Variants in ZNF48 observed in about 807,000 individuals in gnomAD.
ZNF48 encodes zinc finger protein 553.
Under a neutral mutation model 40.0 loss-of-function variants are expected in ZNF48, and 20 were observed. The ratio of observed to expected loss-of-function variants is 0.50; its 90% confidence interval spans 0.35 to 0.73. The LOEUF is 0.73. Ranked by LOEUF, ZNF48 falls within the 30% of genes least tolerant of loss-of-function variation. ZNF48 has a pLI of 0.01. For missense variants in ZNF48, 726 were observed against 851.9 expected (o/e 0.85, Z 1.84); for synonymous variants, 298 against 329.7 (o/e 0.90, Z 1.04).
At chr16:30,378,858 G>GAGAGGGAGAGGGGGAC (rs1405782232) in intron 1 of ZNF48, among the ~76,000 whole-genome samples, 2 of 140,452 alleles carry the variant, frequency 1.4e-5, no homozygotes, top group Non-Finnish European at 3.1e-5. Context: ...GAGAGGGGGA[G>GAGAGGGAGAGGGGGAC]AGAGGGAGAG....
chr16:30,397,609 G>T lies in ZNF48; in HGVS notation c.359G>T (p.Ser120Ile). The change falls in exon 3 of 3, where the codon AGC becomes ATC. Residue 120 changes from serine to isoleucine, a missense_variant. Coordinates refer to ENST00000613509, the MANE Select transcript of ZNF48 (RefSeq NM_001214909.2). This position sits in a 1 kb window ranked among gnomAD's most constrained non-coding sequence, Gnocchi z 4.1. Reference protein sequence around the residue: ...RAAVCGECGKSFRQMSDLVKH... With the variant: ...RAAVCGECGKIFRQMSDLVKH... ...GCTGTGTGTGGTGAGTGTGGCAAAA[G>T]CTTCAGGCAGATGTCAGATCTGGTG... is the stretch of plus-strand genomic sequence containing the variant. The T allele has an allele frequency of 6.2e-7, 1 of 1,614,138 alleles. No individual in the cohort carries two copies. Among genetic ancestry groups the T allele is most frequent in the South Asian group, 1.1e-5 (1 of 91,084 alleles).
At chr16:30,388,028 G>A (rs1250776977) in intron 1 of ZNF48, among the ~76,000 whole-genome samples, 4 of 150,842 alleles carry the variant, frequency 2.7e-5, no homozygotes, top group East Asian at 2.0e-4. Flanking sequence ...GTGCAATGGC[G>A]CGATCTCGGC....
chr16:30,378,458 C>G (rs749638833), intron 1 of ZNF48: 4 of 1,574,240 alleles, frequency 2.5e-6, no homozygotes, highest in Non-Finnish European at 3.4e-6. Flanking sequence ...ACTGCTCGCC[C>G]TGGGCCTGGC....
At position 30,381,809 on chromosome 16, in the gene ZNF48, T is replaced by C. The variant is rs201459018; in HGVS notation, c.-16+3399T>C. On this transcript the variant is annotated intron_variant, in intron 1 of 2. Transcript: ENST00000528032. The surrounding 1 kb of genome is among the most constrained non-coding windows in gnomAD (Gnocchi z 4.3). Reference sequence around the variant, plus strand: ...CCAAAGCCAGGTGTGTCCACAAGGGTCAGCTTCACTTTCACACCCCCTTCC... The same window carrying C: ...CCAAAGCCAGGTGTGTCCACAAGGGCCAGCTTCACTTTCACACCCCCTTCC... 332 of 1,613,904 alleles carry C rather than the reference T, an allele frequency of 2.1e-4. No individual in the cohort carries two copies. The highest frequency in any genetic ancestry group is 1.8e-4 in the Non-Finnish European group (211 of 1,180,006).
intron 1 of ZNF48, chr16:30,380,885 G>A (rs2049836930): frequency 3.5e-6 from 2 of 564,920 alleles, no homozygotes; most frequent in Admixed American, 6.1e-5. Context: ...TCATGTCTAT[G>A]CTCCTGCCCT....
At position 30,382,409 on chromosome 16, in the gene ZNF48, G is replaced by A; in HGVS notation, c.-16+3999G>A. On this transcript the variant is annotated intron_variant, in intron 1 of 2. Coordinates refer to the ZNF48 transcript ENST00000528032. The surrounding 1 kb of genome is among the most constrained non-coding windows in gnomAD (Gnocchi z 4.8). ...AATATGAGGCTGCTGGCAATGGCAGGCAGGGTCCCCAGGATCACTTGAGTT... is the reference window on the plus strand; with the variant it reads ...AATATGAGGCTGCTGGCAATGGCAGACAGGGTCCCCAGGATCACTTGAGTT... 2 of 1,573,816 alleles carry A rather than the reference G, an allele frequency of 1.3e-6. No individual in the cohort carries two copies. The highest frequency in any genetic ancestry group is 1.7e-6 in the Non-Finnish European group (2 of 1,150,690).
chr16:30,399,050 G>C lies in ZNF48; in HGVS notation c.1800G>C (p.Gly600=), dbSNP rs1473623517. The change falls in exon 3 of 3, where the codon GGG becomes GGC. Residue 600 remains glycine (G), a synonymous_variant. Transcript: ENST00000613509. ...GGCACCTGGTCCTGACGCCCTTTGG[G>C]ATAGGGGATGGTAGGGCAAGGCCCC... ...QRGHLVLTPF[G]IGDGRARPLK... is the part of the protein sequence containing the mutation. The C allele has an allele frequency of 6.2e-7, 1 of 1,611,862 alleles. No homozygotes were observed. Among genetic ancestry groups the C allele is most frequent in the African/African-American group, 1.3e-5 (1 of 74,862 alleles).
chr16:30,383,344 G>A (rs900526409), intron 1 of ZNF48, among the ~76,000 whole-genome samples: 5 of 152,012 alleles, frequency 3.3e-5, no homozygotes, highest in East Asian at 1.9e-4. Flanking sequence ...ACCTGCTACC[G>A]CGCCTGGCTA....
At chr16:30,387,949 A>G (rs2151114297) in intron 1 of ZNF48, among the ~76,000 whole-genome samples, 1 of 151,282 alleles carries the variant, frequency 6.6e-6, no homozygotes, top group East Asian at 2.0e-4. Context: ...TTGTTGCTTC[A>G]TGTGTTCTCT....
Position 30,398,189 on chromosome 16 carries a change from C to T in ZNF48, c.939C>T (p.Ala313=). ...GTGATGTGTGTGGAAAGGAGTTTGC[C>T]CGGGGATCCGACCTGGTGAAGCACC... is the stretch of plus-strand genomic sequence containing the variant. ...FGCDVCGKEF[A]RGSDLVKHLR... is the part of the protein sequence containing the mutation. The change falls in exon 3 of 3, where the codon GCC becomes GCT. Residue 313 remains alanine, a synonymous_variant. Transcript: ENST00000613509. This position sits in a 1 kb window ranked among gnomAD's most constrained non-coding sequence, Gnocchi z 6.6. The T allele has an allele frequency of 6.2e-7, 1 of 1,613,882 alleles. No homozygotes were observed. The highest frequency in any genetic ancestry group is 8.5e-7 in the Non-Finnish European group (1 of 1,179,970).
At chr16:30,386,630 T>A (rs757750587) in intron 1 of ZNF48, among the ~76,000 whole-genome samples, 35 of 152,054 alleles carry the variant, frequency 2.3e-4, no homozygotes, top group Non-Finnish European at 3.7e-4. Context: ...TCGAAAAAAA[T>A]ATATTTTTTA....
Position 30,397,712 on chromosome 16 carries a change from C to A in ZNF48, c.462C>A (p.Ala154=), listed in dbSNP as rs1163432015. The change falls in exon 3 of 3, where the codon GCC becomes GCA. Residue 154 remains alanine, a synonymous_variant. Coordinates refer to ENST00000613509, the MANE Select transcript of ZNF48 (RefSeq NM_001214909.2). The surrounding 1 kb of genome is among the most constrained non-coding windows in gnomAD (Gnocchi z 4.1). The stretch of plus-strand genomic sequence containing the variant: ...GCAAGGGCTTTGGGGATAGCTCTGC[C>A]CGGATCAAACACCAGCGGACTCATA... ...VCGKGFGDSS[A]RIKHQRTHSG... The A allele has an allele frequency of 1.2e-6, 2 of 1,613,650 alleles. No homozygotes were observed. Among genetic ancestry groups the A allele is most frequent in the Non-Finnish European group, 1.7e-6 (2 of 1,179,962 alleles).
Position 30,398,342 on chromosome 16 carries a change from C to T in ZNF48, c.1092C>T (p.Cys364=), listed in dbSNP as rs147273399. The T allele has an allele frequency of 2.6e-5, 42 of 1,613,336 alleles. No individual in the cohort carries two copies. The African/African-American group carries it at 3.7e-4, about 14-fold the overall frequency. The change falls in exon 3 of 3, where the codon TGC becomes TGT. Residue 364 remains cysteine (C), a synonymous_variant. Coordinates refer to ENST00000613509, the MANE Select transcript of ZNF48 (RefSeq NM_001214909.2). This position sits in a 1 kb window ranked among gnomAD's most constrained non-coding sequence, Gnocchi z 6.6. ...SGERPHACPE[C]DRTFSLSSTL... ...AGAGGCCCCATGCCTGCCCGGAATG[C>T]GACCGTACCTTCAGCCTCAGCTCCA...
Position 30,381,825 on chromosome 16 carries a change from A to G in ZNF48, c.-16+3415A>G. 2 of 1,613,580 alleles carry G rather than the reference A, an allele frequency of 1.2e-6. No homozygotes were observed. Among genetic ancestry groups the G allele is most frequent in the Non-Finnish European group, 1.7e-6 (2 of 1,179,906 alleles). ...CCACAAGGGTCAGCTTCACTTTCACACCCCCTTCCTCAATCTCTACGCCCC... is the reference window on the plus strand; with the variant it reads ...CCACAAGGGTCAGCTTCACTTTCACGCCCCCTTCCTCAATCTCTACGCCCC... On this transcript the variant is annotated intron_variant, in intron 1 of 2. Coordinates refer to the ZNF48 transcript ENST00000528032. This position sits in a 1 kb window ranked among gnomAD's most constrained non-coding sequence, Gnocchi z 4.3.
upstream of ZNF48, among the ~76,000 whole-genome samples, chr16:30,391,652 C>T (rs1398452692): frequency 1.3e-5 from 2 of 151,978 alleles, no homozygotes; most frequent in Admixed American, 1.3e-4. Flanking sequence ...CGTACCACCA[C>T]ATCTGGCTAA....
rs2049914352 is a variant in ZNF48, at chr16:30,387,975, T to A, written c.-15-7805T>A. On this transcript the variant is annotated intron_variant, in intron 1 of 2. Coordinates refer to the ZNF48 transcript ENST00000528032. ...TGTGTTCTCTACATCTTTTTTTTTT[T>A]CTTTTTTGGAGAGGGAGTTTTTCTC... 2.6e-5 allele frequency among the ~76,000 whole-genome samples: 4 copies of A among 151,232 alleles called. No individual in the cohort carries two copies. In the South Asian group the frequency reaches 8.4e-4, roughly 32 times the overall value.
rs779410100 is a variant in ZNF48 at position 30,397,416 on chromosome 16, T to C, written c.166T>C (p.Leu56=). The C allele has an allele frequency of 1.2e-6, 2 of 1,613,948 alleles. No individual in the cohort carries two copies. The highest frequency in any genetic ancestry group is 1.3e-5 in the African/African-American group (1 of 74,898). ...TGACTTGGGGTTCAAGGAAGAAGATTTGGCTCCAGATCATGAAGTAGGAAA... is the reference window on the plus strand; with the variant it reads ...TGACTTGGGGTTCAAGGAAGAAGATCTGGCTCCAGATCATGAAGTAGGAAA... ...EDDLGFKEED[L]APDHEVGNAS... Residue 56 remains leucine (L), a synonymous_variant, in exon 3 of 3, where the codon TTG becomes CTG. Transcript: ENST00000613509. The surrounding 1 kb of genome is among the most constrained non-coding windows in gnomAD (Gnocchi z 4.1).
rs766052695 is a variant in ZNF48, at chr16:30,398,600, C to G, written c.1350C>G (p.Pro450=). ...EPPPPLAGDK[P]HKCPECGKGF... ...CCCCACCACTGGCGGGCGACAAGCC[C>G]CACAAGTGCCCTGAGTGTGGCAAGG... Residue 450 remains proline (P), a synonymous_variant, in exon 3 of 3, where the codon CCC becomes CCG. Coordinates refer to ENST00000613509, the MANE Select transcript of ZNF48 (RefSeq NM_001214909.2). The surrounding 1 kb of genome is among the most constrained non-coding windows in gnomAD (Gnocchi z 6.6). 1 of 1,612,542 alleles carries G rather than the reference C, an allele frequency of 6.2e-7. No individual in the cohort carries two copies. Among genetic ancestry groups the G allele is most frequent in the East Asian group, 2.2e-5 (1 of 44,862 alleles).
At chr16:30,387,612 A>G (rs1417794202) in intron 1 of ZNF48, among the ~76,000 whole-genome samples, 1 of 148,290 alleles carries the variant, frequency 6.7e-6, no homozygotes, top group African/African-American at 2.5e-5. Flanking sequence ...AGGCTGGAGT[A>G]CAATGGCGCG....
Sources: allele counts gnomAD v4.1 joint callset (sites outside exome capture counted in the v4.1 genomes callset), GRCh38; gene constraint gnomAD v4.1.1; non-coding constraint Gnocchi (gnomAD v3.1); transcripts MANE v1.5; gene names NCBI Gene and HGNC (gene_info 2026-07-23, HGNC 2026-07-21).